The following RHD variants were observed in gnomAD, a reference collection of about 807,000 sequenced individuals.
The protein encoded by RHD is blood group Rh(D) polypeptide.
In RHD, 16 loss-of-function variants were observed where a neutral mutation model predicts 45.5. The observed-to-expected ratio is 0.35, with a 90% confidence interval of 0.24 to 0.53. RHD has a LOEUF of 0.53. Ranked by LOEUF, RHD falls within the 20% of genes least tolerant of loss-of-function variation. The pLI is 0.92. For missense variants in RHD, 306 were observed against 532.0 expected (o/e 0.58, Z 4.18); for synonymous variants, 131 against 217.5 (o/e 0.60, Z 3.50).
rs1289203383 is a variant in RHD at position 25,321,366 on chromosome 1, T to A, written c.1154-523T>A. Among the ~76,000 whole-genome samples, 11 of 116,018 alleles carry A rather than the reference T, an allele frequency of 9.5e-5. 3 individuals carry two copies. The highest frequency in any genetic ancestry group is 8.3e-4 in the East Asian group (4 of 4,804). 76.1% of individuals were successfully genotyped at this position (116,018 alleles called of 152,430 possible). A position where few individuals can be genotyped will look rare whatever the true frequency, so the allele number is the denominator to read the frequency against. On this transcript the variant is annotated intron_variant, in intron 8 of 9. Coordinates refer to ENST00000328664, the MANE Select transcript of RHD (RefSeq NM_016124.6). ...CTTTTTTTCAAAAAAAAAAAAAAAATGTCTACAGAATCGGCCAGGTGTGGT... is the reference window on the plus strand; with the variant it reads ...CTTTTTTTCAAAAAAAAAAAAAAAAAGTCTACAGAATCGGCCAGGTGTGGT...
At chr1:25,318,370 T>A (rs1380487245) in intron 8 of RHD, 1 of 131,598 alleles carries the variant, frequency 7.6e-6, no homozygotes, top group East Asian at 2.0e-4. Context: ...GGTAGATCAC[T>A]TGAGGTCAGG....
rs647674 is a variant in RHD at position 25,293,161 on chromosome 1, T to C, written c.486+2370T>C. 4.8e-4 allele frequency among the ~76,000 whole-genome samples: 63 copies of C among 131,200 alleles called. 14 individuals are homozygous for C. The highest frequency in any genetic ancestry group is 9.8e-4 in the East Asian group (5 of 5,102). The allele number at this position is 131,200 out of a possible 152,430, so 86.1% of individuals were successfully genotyped here. ...AGTGGAGACAGCATGCAGGGGCAGC[T>C]CTGCCAAGGACTTTGCTATAAAGGG... is the stretch of plus-strand genomic sequence containing the variant. On this transcript the variant is annotated intron_variant, in intron 3 of 9. Coordinates refer to ENST00000328664, the MANE Select transcript of RHD (RefSeq NM_016124.6).
chr1:25,307,112 C>T lies in RHD; in HGVS notation c.1073+383C>T, dbSNP rs769648227. ...GCTGGGCATGTGGCTTAACCTTTCTCAGCCTCAGTCGCCCCATTGTAAATG... is the reference window on the plus strand; with the variant it reads ...GCTGGGCATGTGGCTTAACCTTTCTTAGCCTCAGTCGCCCCATTGTAAATG... On this transcript the variant is annotated intron_variant, in intron 7 of 9. Coordinates refer to ENST00000328664, the MANE Select transcript of RHD (RefSeq NM_016124.6). Among the ~76,000 whole-genome samples the T allele has an allele frequency of 2.3e-5, 3 of 132,742 alleles. 1 individual carries two copies. Among genetic ancestry groups the T allele is most frequent in the Non-Finnish European group, 5.3e-5 (3 of 56,102 alleles). 87.1% of individuals were successfully genotyped at this position (132,742 alleles called of 152,430 possible).
In RHD at chr1:25,274,729, G is replaced by A. The variant is rs1340307890; in HGVS notation, c.148+2034G>A. Among the ~76,000 whole-genome samples the A allele has an allele frequency of 1.2e-4, 16 of 133,908 alleles. 1 individual carries two copies. The highest frequency in any genetic ancestry group is 8.7e-4 in the Admixed American group (12 of 13,850). The allele number at this position is 133,908 out of a possible 152,430, so 87.8% of individuals were successfully genotyped here. Reference sequence around the variant, plus strand: ...AGCCTAAAAGGGGAAACAAAGGGCCGGGCGACGTGGCTCACGCCTGTAATC... The same window carrying A: ...AGCCTAAAAGGGGAAACAAAGGGCCAGGCGACGTGGCTCACGCCTGTAATC... On this transcript the variant is annotated intron_variant, in intron 1 of 9. Transcript: ENST00000328664.
At chr1:25,280,605 CTTTT>C (rs71014346) in intron 1 of RHD, among the ~76,000 whole-genome samples, 6 of 60,744 alleles carry the variant, frequency 9.9e-5, no homozygotes, top group Admixed American at 3.6e-4. Context: ...TGTGCCTGGC[CTTTT>C]TTTTTTTTTT....
intron 1 of RHD, among the ~76,000 whole-genome samples, chr1:25,276,950 C>A (rs1641059172): frequency 7.6e-6 from 1 of 130,754 alleles, no homozygotes; most frequent in Non-Finnish European, 1.8e-5. Context: ...GCCTGTAGTC[C>A]CAGCTACTTG....
At position 25,306,596 on chromosome 1, in the gene RHD, G is replaced by A. The variant is rs1395503514; in HGVS notation, c.940G>A (p.Gly314Arg). The A allele has an allele frequency of 4.4e-6, 6 of 1,377,714 alleles. 1 individual carries two copies. The highest frequency in any genetic ancestry group is 6.1e-6 in the Non-Finnish European group (6 of 978,306). The allele number at this position is 1,377,714 out of a possible 1,614,324, so 85.3% of individuals were successfully genotyped here. The change falls in exon 7 of 10, where the codon GGG becomes AGG. Residue 314 changes from glycine (G) to arginine (R), a missense_variant and splice_region_variant. By Grantham distance (125) the Gly-to-Arg change is moderately radical. Coordinates refer to ENST00000328664, the MANE Select transcript of RHD (RefSeq NM_016124.6). ...ISVGGAKYLP[G>R]CCNRVLGIPH... The stretch of plus-strand genomic sequence containing the variant: ...TGCTTATAATAACACTTGTCCACAG[G>A]GGTGTTGTAACCGAGTGCTGGGGAT...
At chr1:25,308,696 C>T (rs1460114572) in intron 7 of RHD, among the ~76,000 whole-genome samples, 4 of 129,602 alleles carry the variant, frequency 3.1e-5, no homozygotes, top group African/African-American at 1.1e-4. Flanking sequence ...TGCAAGTCAA[C>T]TCTCATCAGG....
intron 2 of RHD, among the ~76,000 whole-genome samples, chr1:25,287,164 C>T (rs113867644): frequency 7.4e-6 from 1 of 135,314 alleles, no homozygotes; most frequent in Non-Finnish European, 1.8e-5. Flanking sequence ...CGCACACATG[C>T]ACGCATACAC....
At chr1:25,275,567 C>T (rs1640894818) in intron 1 of RHD, among the ~76,000 whole-genome samples, 1 of 131,546 alleles carries the variant, frequency 7.6e-6, no homozygotes, top group Admixed American at 7.4e-5. Flanking sequence ...GAGCATGTAC[C>T]ATGGTTATAT....
intron 8 of RHD, among the ~76,000 whole-genome samples, chr1:25,319,655 C>A (rs1644591311): frequency 1.5e-5 from 2 of 132,048 alleles, no homozygotes; most frequent in African/African-American, 5.2e-5. Context: ...GGAAAAAGTT[C>A]CTCAAGCAGC....
At chr1:25,316,618 GAAAAAAA>G (rs1171433774) in intron 7 of RHD, among the ~76,000 whole-genome samples, 4 of 40,632 alleles carry the variant, frequency 9.8e-5, no homozygotes, top group African/African-American at 2.2e-4. Flanking sequence ...AACAAAAACA[GAAAAAAA>G]AAAAAAAAAA....
At position 25,300,536 on chromosome 1, in the gene RHD, G is replaced by A. The variant is rs1209771798; in HGVS notation, c.487-410G>A. On this transcript the variant is annotated intron_variant, in intron 3 of 9. Coordinates refer to ENST00000328664, the MANE Select transcript of RHD (RefSeq NM_016124.6). ...CAAAAAAAAAAAAAAAAGGCCAGGC[G>A]CAGTGGCTCATGCCTGTAATCCCAG... Among the ~76,000 whole-genome samples the A allele has an allele frequency of 1.8e-4, 23 of 126,782 alleles. 3 individuals carry two copies. Among genetic ancestry groups the A allele is most frequent in the African/African-American group, 6.3e-4 (23 of 36,586 alleles). 83.2% of individuals were successfully genotyped at this position (126,782 alleles called of 152,430 possible).
At chr1:25,319,170 ACTTG>A (rs5773128) in intron 8 of RHD, among the ~76,000 whole-genome samples, 5,293 of 132,466 alleles carry the variant, frequency 0.04, 1,420 homozygotes, top group Non-Finnish European at 0.067. Flanking sequence ...AGTGGTGCTG[ACTTG>A]CCCTCTGTCT....
chr1:25,276,593 A>G (rs1260844461), intron 1 of RHD, among the ~76,000 whole-genome samples: 2 of 123,946 alleles, frequency 1.6e-5, no homozygotes, highest in Non-Finnish European at 3.7e-5. Context: ...ACATGCCTAT[A>G]GTCCCAGCTA....
chr1:25,285,077 A>G (rs1641849385), intron 2 of RHD, among the ~76,000 whole-genome samples: 1 of 134,408 alleles, frequency 7.4e-6, no homozygotes, highest in Non-Finnish European at 1.8e-5. Flanking sequence ...GGAAAACGTA[A>G]GAAGGAAACA....
chr1:25,306,838 G>C (rs1643878211), intron 7 of RHD, 109 bp downstream of exon 7: 1 of 1,012,930 alleles, frequency 9.9e-7, no homozygotes, highest in Non-Finnish European at 1.5e-6. Flanking sequence ...CAGGTGCTCA[G>C]TAGGCTTCGG....
intron 6 of RHD, among the ~76,000 whole-genome samples, chr1:25,306,115 C>G (rs1258490712): frequency 7.6e-6 from 1 of 131,382 alleles, no homozygotes; most frequent in Non-Finnish European, 1.8e-5. Flanking sequence ...TGGGCTAGAC[C>G]AGTGGGTCTT....
At position 25,302,904 on chromosome 1, in the gene RHD, G is replaced by A. The variant is rs1405931592; in HGVS notation, c.802-418G>A. 8.4e-5 allele frequency among the ~76,000 whole-genome samples: 11 copies of A among 130,774 alleles called. No individual in the cohort carries two copies. The East Asian group carries it at 1.8e-3, about 21-fold the overall frequency. The allele number at this position is 130,774 out of a possible 152,430, so 85.8% of individuals were successfully genotyped here. ...CACACCTGTAATCCCAATATTTTGG[G>A]AGGCTGAGGCAAGAGGATTGGTTGA... On this transcript the variant is annotated intron_variant, in intron 5 of 9. Transcript: ENST00000328664.
Sources: gnomAD v4.1 joint callset for allele counts (sites outside exome capture counted in the v4.1 genomes callset) on GRCh38, gnomAD v4.1.1 for gene constraint, MANE v1.5 for transcripts, NCBI Gene and HGNC (gene_info 2026-07-23, HGNC 2026-07-21) for gene names.